Variants in FRMD3 observed in about 807,000 individuals in gnomAD.
FRMD3 encodes the protein FERM domain containing 3, also known as FERM domain-containing protein 3.
In FRMD3, 33 loss-of-function variants were observed where a neutral mutation model predicts 70.2. The observed-to-expected ratio is 0.47, with a 90% CI of 0.36 to 0.63. The LOEUF is 0.63. Among genes scored for constraint, FRMD3 ranks in the 20% least tolerant of loss-of-function variants. The probability of loss-of-function intolerance (pLI) is 0.00; values close to 1 mark genes in which losing one functional copy is unlikely to be tolerated. For missense variants in FRMD3, 632 were observed against 711.4 expected (o/e 0.89, Z 1.27); for synonymous variants, 279 against 255.9 (o/e 1.09, Z -0.86).
intron 1 of FRMD3, among the ~76,000 whole-genome samples, chr9:83,392,284 A>G (rs921630781): frequency 6.6e-6 from 1 of 152,122 alleles, no homozygotes; most frequent in Non-Finnish European, 1.5e-5. Context: ...GGTGCCAAGG[A>G]AGTCAGCTTA....
At chr9:83,525,608 T>G (rs1829669119) in intron 1 of FRMD3, among the ~76,000 whole-genome samples, 1 of 152,348 alleles carries the variant, frequency 6.6e-6, no homozygotes, top group East Asian at 1.9e-4. Flanking sequence ...TGACACTGTC[T>G]CAAAGGGCAA....
chr9:83,518,252 C>T (rs1829495986), intron 1 of FRMD3, among the ~76,000 whole-genome samples: 1 of 152,148 alleles, frequency 6.6e-6, no homozygotes, highest in Non-Finnish European at 1.5e-5. Flanking sequence ...ATCATCTCAG[C>T]CCAAAAACTC....
At chr9:83,496,406 TC>T (rs1176453574) in intron 1 of FRMD3, among the ~76,000 whole-genome samples, 10 of 151,978 alleles carry the variant, frequency 6.6e-5, no homozygotes, top group Non-Finnish European at 1.5e-4. Flanking sequence ...AAAATCCTAC[TC>T]CCCATCACTC....
At chr9:83,263,865 A>G (rs1260276422) in intron 13 of FRMD3, among the ~76,000 whole-genome samples, 1 of 152,222 alleles carries the variant, frequency 6.6e-6, no homozygotes. Context: ...CCATAACAAG[A>G]AGCCTGGAAA....
At chr9:83,318,424 T>C (rs1452570106) in intron 6 of FRMD3, among the ~76,000 whole-genome samples, 1 of 152,176 alleles carries the variant, frequency 6.6e-6, no homozygotes, top group African/African-American at 2.4e-5. Flanking sequence ...GCAAAAGACA[T>C]GATCTCATTC....
chr9:83,572,643 G>A, the FRMD3 span, among the ~76,000 whole-genome samples: 1 of 152,300 alleles, frequency 6.6e-6, no homozygotes, highest in East Asian at 1.9e-4. Flanking sequence ...GAGCCTTCTT[G>A]GGGTGAGTGG....
intron 1 of FRMD3, among the ~76,000 whole-genome samples, chr9:83,524,637 A>G (rs1033654504): frequency 1.3e-5 from 2 of 152,214 alleles, no homozygotes; most frequent in Non-Finnish European, 2.9e-5. Flanking sequence ...GTGTAATAAG[A>G]GCAAACCTAA....
intron 13 of FRMD3, among the ~76,000 whole-genome samples, chr9:83,280,483 G>A (rs1328733641): frequency 6.6e-6 from 1 of 152,206 alleles, no homozygotes; most frequent in African/African-American, 2.4e-5. Flanking sequence ...CCAAAAGCAT[G>A]TAAAATGGCA....
intron 1 of FRMD3, among the ~76,000 whole-genome samples, chr9:83,419,012 A>G (rs1254078301): frequency 1.3e-5 from 2 of 152,218 alleles, no homozygotes; most frequent in African/African-American, 4.8e-5. Flanking sequence ...GGAGGCCATT[A>G]TTCTAAGTGA....
chr9:83,568,214 G>A, the FRMD3 span, among the ~76,000 whole-genome samples: 25 of 152,226 alleles, frequency 1.6e-4, no homozygotes, highest in East Asian at 4.1e-3. Context: ...TCACTATCAC[G>A]AGAACAGCAG....
chr9:83,402,449 A>G (rs1825975886), intron 1 of FRMD3, among the ~76,000 whole-genome samples: 1 of 151,802 alleles, frequency 6.6e-6, no homozygotes, highest in Non-Finnish European at 1.5e-5. Context: ...TGGCCCCACT[A>G]GGATGATGGG....
chr9:83,449,502 A>G (rs139619383), intron 1 of FRMD3, among the ~76,000 whole-genome samples: 2 of 152,304 alleles, frequency 1.3e-5, no homozygotes, highest in African/African-American at 4.8e-5. Flanking sequence ...ATGCCATCAA[A>G]TTGGAGGACA....
the FRMD3 span, among the ~76,000 whole-genome samples, chr9:83,551,027 G>A: frequency 6.6e-6 from 1 of 152,104 alleles, no homozygotes; most frequent in African/African-American, 2.4e-5. Flanking sequence ...AACAGAAGTG[G>A]TGAGAGAGGG....
At chr9:83,260,847 C>T (rs1356277546) in intron 13 of FRMD3, among the ~76,000 whole-genome samples, 1 of 152,100 alleles carries the variant, frequency 6.6e-6, no homozygotes, top group East Asian at 1.9e-4. Context: ...ACTCCTTTAT[C>T]GCTCCTTTTT....
intron 10 of FRMD3, among the ~76,000 whole-genome samples, chr9:83,302,633 A>G (rs1834970570): frequency 6.6e-6 from 1 of 151,978 alleles, no homozygotes; most frequent in South Asian, 2.1e-4. Context: ...TATCAATCTC[A>G]AACCTCTTCA....
chr9:83,317,191 CAT>C (rs1170621702), intron 6 of FRMD3, among the ~76,000 whole-genome samples: 1 of 106,378 alleles, frequency 9.4e-6, no homozygotes, highest in African/African-American at 3.5e-5. Context: ...GTCTCTCATG[CAT>C]ACACACACAC....
intron 5 of FRMD3, among the ~76,000 whole-genome samples, 191 bp from the exon 6 acceptor site, chr9:83,335,830 C>T (rs1212168540): frequency 6.6e-6 from 1 of 152,120 alleles, no homozygotes; most frequent in African/African-American, 2.4e-5. Flanking sequence ...GCTGTGTGAG[C>T]TTGGGATCTT....
In FRMD3 at chr9:83,392,909, T is replaced by C. The variant is rs7852220; in HGVS notation, c.148-3201A>G. On this transcript the variant is annotated intron_variant, in intron 1 of 13. Coordinates refer to ENST00000304195, the MANE Select transcript of FRMD3 (RefSeq NM_174938.6). ...ATAGCAGCTCTACGTGCAGTACTGA[T>C]TGAGCAGAGAAAAAAAAATCAAGCA... Among the ~76,000 whole-genome samples the C allele has an allele frequency of 6.4e-3, 980 of 152,318 alleles. 11 individuals carry two copies. Among genetic ancestry groups the C allele is most frequent in the African/African-American group, 0.022 (896 of 41,564 alleles).
chr9:83,389,846 A>G, intron 1 of FRMD3, 138 bp from the exon 2 acceptor site: 2 of 622,652 alleles, frequency 3.2e-6, no homozygotes, highest in Non-Finnish European at 5.7e-6. Context: ...AGGGGCTTCC[A>G]AACTCTTTTA....
Sources: gnomAD v4.1 joint callset for allele counts (sites outside exome capture counted in the v4.1 genomes callset) on GRCh38, gnomAD v4.1.1 for gene constraint, MANE v1.5 for transcripts, NCBI Gene and HGNC (gene_info 2026-07-23, HGNC 2026-07-21) for gene names.